Variants in UNC13B observed in about 807,000 individuals in gnomAD.
UNC13B encodes unc-13 homolog B, also known as protein unc-13 homolog B.
Under a neutral mutation model 211.0 loss-of-function variants are expected in UNC13B, and 144 were observed. The ratio of observed to expected loss-of-function variants is 0.68; its 90% CI spans 0.60 to 0.78. The LOEUF (loss-of-function observed/expected upper bound fraction) is 0.78, where lower values mean the gene tolerates loss of function less well. Ranked by LOEUF, UNC13B falls within the 30% of genes least tolerant of loss-of-function variation. UNC13B has a pLI of 0.00. For synonymous variants in UNC13B, 709 were observed against 725.8 expected (o/e 0.98, Z 0.37); for missense variants, 1,777 against 2,002.0 (o/e 0.89, Z 2.14).
intron 1 of UNC13B, among the ~76,000 whole-genome samples, chr9:35,215,523 G>A (rs1824205027): frequency 6.6e-6 from 1 of 152,176 alleles, no homozygotes; most frequent in African/African-American, 2.4e-5. Context: ...AGGATGTAAA[G>A]CAGAAAGTAG....
chr9:35,246,186 G>T (rs1197349352), intron 6 of UNC13B, among the ~76,000 whole-genome samples: 5 of 151,734 alleles, frequency 3.3e-5, no homozygotes, highest in Non-Finnish European at 5.9e-5. Flanking sequence ...TTGCCCACTT[G>T]TTGATGGGGT....
intron 1 of UNC13B, among the ~76,000 whole-genome samples, chr9:35,212,619 A>C (rs563932722): frequency 1.3e-5 from 2 of 152,308 alleles, no homozygotes; most frequent in South Asian, 2.1e-4. Context: ...ATATGAAAGC[A>C]TGAAAGGCAG....
chr9:35,195,926 A>T (rs1822909056), intron 1 of UNC13B, among the ~76,000 whole-genome samples: 1 of 152,260 alleles, frequency 6.6e-6, no homozygotes, highest in South Asian at 2.1e-4. Flanking sequence ...AAATGTAAAA[A>T]TATAGCTGAA....
intron 12 of UNC13B, 46 bp from the exon 13 acceptor site, chr9:35,370,272 C>G (rs1171995165): frequency 6.3e-7 from 1 of 1,585,052 alleles, no homozygotes. Context: ...CACCAGCTAA[C>G]TCAAAGCAAG....
rs192277619 is a variant in UNC13B at position 35,296,042 on chromosome 9, A to G, written c.761+112A>G. The stretch of plus-strand genomic sequence containing the variant: ...GAAGAGGTAGCGTAAGTGTAGCAGT[A>G]TCACCGGCCAAACTACAGTCATTTT... On this transcript the variant is annotated intron_variant, in intron 8 of 39. Coordinates refer to ENST00000635942, the MANE Select transcript of UNC13B (RefSeq NM_001371189.2). 55 of 933,850 alleles carry G rather than the reference A, an allele frequency of 5.9e-5. 1 individual carries two copies. The highest frequency in any genetic ancestry group is 5.2e-4 in the Middle Eastern group (2 of 3,814). 57.8% of individuals were successfully genotyped at this position (933,850 alleles called of 1,614,324 possible).
chr9:35,179,304 T>G (rs1821806258), intron 1 of UNC13B, among the ~76,000 whole-genome samples: 1 of 152,184 alleles, frequency 6.6e-6, no homozygotes, highest in South Asian at 2.1e-4. Flanking sequence ...ATAGCAGGTG[T>G]TTCATAGACT....
At chr9:35,239,856 C>G (rs1036696077) in intron 5 of UNC13B, among the ~76,000 whole-genome samples, 12 of 152,212 alleles carry the variant, frequency 7.9e-5, no homozygotes, top group African/African-American at 2.9e-4. Context: ...AGCCAGACTT[C>G]AAGGTTATCT....
intron 8 of UNC13B, among the ~76,000 whole-genome samples, chr9:35,298,565 C>T (rs944343809): frequency 6.6e-6 from 1 of 152,164 alleles, no homozygotes; most frequent in African/African-American, 2.4e-5. Context: ...AGTGATCCTC[C>T]TGCCTTGGCC....
chr9:35,210,953 A>G (rs1218140987), intron 1 of UNC13B, among the ~76,000 whole-genome samples: 1 of 151,962 alleles, frequency 6.6e-6, no homozygotes, highest in East Asian at 1.9e-4. Flanking sequence ...CTTAGGCTGT[A>G]CTAACTCCTG....
chr9:35,190,153 G>T (rs1822574237), intron 1 of UNC13B, among the ~76,000 whole-genome samples: 1 of 152,222 alleles, frequency 6.6e-6, no homozygotes, highest in South Asian at 2.1e-4. Flanking sequence ...TACTGTGGAA[G>T]AAGAGAGTGC....
intron 1 of UNC13B, among the ~76,000 whole-genome samples, chr9:35,178,629 A>G (rs1451636777): frequency 1.3e-5 from 2 of 152,116 alleles, no homozygotes; most frequent in Non-Finnish European, 2.9e-5. Flanking sequence ...AGTGGCTCAC[A>G]CATGTAATCC....
intron 7 of UNC13B, among the ~76,000 whole-genome samples, chr9:35,289,608 A>C (rs1828983432): frequency 6.6e-6 from 1 of 152,180 alleles, no homozygotes. Context: ...AGATGAGGAA[A>C]TATCTGTAAT....
intron 17 of UNC13B, 69 bp from the exon 18 acceptor site, chr9:35,380,401 G>C: frequency 6.5e-7 from 1 of 1,542,678 alleles, no homozygotes; most frequent in Non-Finnish European, 8.8e-7. Context: ...TTTTGGGAGG[G>C]AATAGGAAGT....
intron 11 of UNC13B, among the ~76,000 whole-genome samples, chr9:35,331,166 G>A (rs1159956934): frequency 6.6e-6 from 1 of 152,152 alleles, no homozygotes; most frequent in African/African-American, 2.4e-5. Context: ...GTTCCTCTGT[G>A]AAAAAACATC....
intron 7 of UNC13B, among the ~76,000 whole-genome samples, chr9:35,275,782 A>G (rs1289225866): frequency 6.6e-6 from 1 of 152,032 alleles, no homozygotes; most frequent in Non-Finnish European, 1.5e-5. Flanking sequence ...TAATAGAGAC[A>G]GCGTTTCACA....
At chr9:35,293,780 T>C (rs1226851586) in intron 7 of UNC13B, among the ~76,000 whole-genome samples, 1 of 152,222 alleles carries the variant, frequency 6.6e-6, no homozygotes, top group Non-Finnish European at 1.5e-5. Flanking sequence ...GTTTTCAAGC[T>C]TTGCTACTCC....
rs530509271 is a variant in UNC13B, at chr9:35,326,322, A to G, written c.9414+12333A>G. 8.5e-5 allele frequency among the ~76,000 whole-genome samples: 13 copies of G among 152,324 alleles called. No homozygotes were observed. The South Asian group carries it at 1.9e-3, about 22-fold the overall frequency. ...ATAGGGGATACATTCCCAGACCCCA[A>G]ATGGGTACCTGAAACCATGGATAGT... On this transcript the variant is annotated intron_variant, in intron 11 of 39. Transcript: ENST00000635942.
chr9:35,257,576 G>T (rs1826999760), intron 6 of UNC13B, among the ~76,000 whole-genome samples: 1 of 53,766 alleles, frequency 1.9e-5, no homozygotes, highest in South Asian at 8.2e-4. Flanking sequence ...GTGAGAATCT[G>T]TATCAAAAAA....
intron 11 of UNC13B, among the ~76,000 whole-genome samples, chr9:35,354,749 G>T (rs922685448): frequency 2.6e-5 from 4 of 152,186 alleles, no homozygotes. Flanking sequence ...AGCATATTGT[G>T]TTGGCAAAGG....
Sources: gnomAD v4.1 joint callset for allele counts (sites outside exome capture counted in the v4.1 genomes callset) on GRCh38, gnomAD v4.1.1 for gene constraint, MANE v1.5 for transcripts, NCBI Gene and HGNC (gene_info 2026-07-23, HGNC 2026-07-21) for gene names.